The following AGAP1 variants were observed in gnomAD, a reference collection of about 807,000 sequenced individuals.
AGAP1 encodes the protein ArfGAP with GTPase domain, ankyrin repeat and PH domain 1.
In AGAP1, 29 loss-of-function variants were observed where a neutral mutation model predicts 105.3. That is an observed-to-expected ratio of 0.28 (90% CI 0.21 to 0.38). AGAP1 has a LOEUF of 0.38. AGAP1 is among the 10% of genes least tolerant of loss of function. The pLI is 1.00. For missense variants in AGAP1, 998 were observed against 1,165.1 expected, an observed-to-expected ratio of 0.86 and a Z score of 2.09; for synonymous variants, 509 against 485.9, an observed-to-expected ratio of 1.05 and a Z score of -0.63.
At chr2:235,946,805 C>A (rs2053521465) in intron 12 of AGAP1, among the ~76,000 whole-genome samples, 1 of 152,132 alleles carries the variant, frequency 6.6e-6, no homozygotes, top group Admixed American at 6.5e-5. Flanking sequence ...CGCCCCTCTG[C>A]CCAGCCAGGC....
chr2:235,664,276 A>T lies in AGAP1; in HGVS notation c.164-44903A>T, dbSNP rs1020308628. 2.0e-5 allele frequency among the ~76,000 whole-genome samples: 3 copies of T among 151,700 alleles called. No individual in the cohort carries two copies. The highest frequency in any genetic ancestry group is 2.1e-4 in the South Asian group (1 of 4,804). ...GCCCAGGCTAGAGTGCAGTGGCATG[A>T]TCTCAGCTCCCTGCAACCTCTGCCT... On this transcript the variant is annotated intron_variant, in intron 1 of 17. Coordinates refer to ENST00000304032, the MANE Select transcript of AGAP1 (RefSeq NM_001037131.3). The surrounding 1 kb of genome is among the most constrained non-coding windows in gnomAD (Gnocchi z 5.7).
chr2:235,686,665 AT>A lies in AGAP1; in HGVS notation c.164-22499del, dbSNP rs1200927776. Reference sequence around the variant, plus strand: ...TATATAGATATATATATATATATATATTTTTTTTTTTTTTTAGACAGAGTCT... The same window carrying A: ...TATATAGATATATATATATATATATATTTTTTTTTTTTTTAGACAGAGTCT... On this transcript the variant is annotated intron_variant, in intron 1 of 17. Transcript: ENST00000304032. 3.3e-3 allele frequency among the ~76,000 whole-genome samples: 255 copies of A among 77,466 alleles called. 4 individuals are homozygous for A. Among genetic ancestry groups the A allele is most frequent in the Middle Eastern group, 8.2e-3 (1 of 122 alleles). 50.8% of individuals were successfully genotyped at this position (77,466 alleles called of 152,430 possible). A position where few individuals can be genotyped will look rare whatever the true frequency, so the allele number is the denominator to read the frequency against.
chr2:235,546,007 G>C (rs1943610536), intron 1 of AGAP1, among the ~76,000 whole-genome samples: 1 of 152,242 alleles, frequency 6.6e-6, no homozygotes, highest in South Asian at 2.1e-4. Context: ...TCAAGATTCA[G>C]CAGCCCTTGC....
chr2:235,915,554 C>T (rs955940508), intron 11 of AGAP1, among the ~76,000 whole-genome samples: 1 of 152,014 alleles, frequency 6.6e-6, no homozygotes, highest in African/African-American at 2.4e-5. Flanking sequence ...GTGGCGAGTG[C>T]CTGTGGTCCC....
chr2:235,564,508 G>A (rs1353238965), intron 1 of AGAP1, among the ~76,000 whole-genome samples: 1 of 152,188 alleles, frequency 6.6e-6, no homozygotes, highest in Non-Finnish European at 1.5e-5. Flanking sequence ...TAAATTTAAG[G>A]TTCTTCCACT....
intron 10 of AGAP1, among the ~76,000 whole-genome samples, chr2:235,897,572 A>C (rs569982178): frequency 3.2e-4 from 48 of 152,284 alleles, no homozygotes; most frequent in South Asian, 2.1e-3. Context: ...GATATGTCAG[A>C]TCGTCTCTGG....
At chr2:235,911,487 T>C (rs2051613851) in intron 11 of AGAP1, among the ~76,000 whole-genome samples, 1 of 152,246 alleles carries the variant, frequency 6.6e-6, no homozygotes, top group Non-Finnish European at 1.5e-5. Flanking sequence ...AAGCGTTCAC[T>C]ATGTAAAAGT....
At position 235,729,966 on chromosome 2, in the gene AGAP1, A is replaced by G. The variant is rs1478676423; in HGVS notation, c.311-10997A>G. ...GCAGTTCGCCAGCCCCCTACCCTAC[A>G]GTATGGAAAAAAGGCATAGAACAGT... is the stretch of plus-strand genomic sequence containing the variant. On this transcript the variant is annotated intron_variant, in intron 3 of 17. Transcript: ENST00000304032. The surrounding 1 kb of genome is among the most constrained non-coding windows in gnomAD (Gnocchi z 5.0). Among the ~76,000 whole-genome samples the G allele has an allele frequency of 1.3e-5, 2 of 152,074 alleles. No homozygotes were observed. Among genetic ancestry groups the G allele is most frequent in the East Asian group, 1.9e-4 (1 of 5,190 alleles).
rs114102065 is a variant in AGAP1 at position 235,508,381 on chromosome 2, G to T, written c.163+13532G>T. Among the ~76,000 whole-genome samples, 1,084 of 152,314 alleles carry T rather than the reference G, an allele frequency of 7.1e-3. 13 individuals are homozygous for T. The highest frequency in any genetic ancestry group is 0.024 in the African/African-American group (998 of 41,560). ...ACTTCAGAAATCAGCCCATAAGTCT[G>T]CAGAAGTACTTGGGGAATTCTCTCC... On this transcript the variant is annotated intron_variant, in intron 1 of 17. Coordinates refer to ENST00000304032, the MANE Select transcript of AGAP1 (RefSeq NM_001037131.3).
chr2:235,918,875 G>A (rs1279501824), intron 11 of AGAP1, among the ~76,000 whole-genome samples: 3 of 152,114 alleles, frequency 2.0e-5, no homozygotes, highest in Non-Finnish European at 4.4e-5. Flanking sequence ...TGAACTCTAA[G>A]TGGAGTGTTC....
intron 10 of AGAP1, among the ~76,000 whole-genome samples, chr2:235,885,445 T>G (rs2050231695): frequency 6.6e-6 from 1 of 152,248 alleles, no homozygotes; most frequent in African/African-American, 2.4e-5. Flanking sequence ...CTCTGTCCCC[T>G]TGTCCAATTT....
In AGAP1 at chr2:235,625,726, GGTTT is replaced by G. The variant is rs1196034284; in HGVS notation, c.164-83446_164-83443del. Among the ~76,000 whole-genome samples, 3 of 152,128 alleles carry G rather than the reference GGTTT, an allele frequency of 2.0e-5. No homozygotes were observed. Among genetic ancestry groups the G allele is most frequent in the Non-Finnish European group, 2.9e-5 (2 of 68,026 alleles). On this transcript the variant is annotated intron_variant, in intron 1 of 17. Transcript: ENST00000304032. The surrounding 1 kb of genome is among the most constrained non-coding windows in gnomAD (Gnocchi z 4.0). The stretch of plus-strand genomic sequence containing the variant: ...AAAATAGTCGTCTGAAATATATTAT[GGTTT>G]GTTTGTAGCTTCAGCTAGTACTTTT...
chr2:235,744,382 G>A lies in AGAP1; in HGVS notation c.397-316G>A, dbSNP rs73996341. Among the ~76,000 whole-genome samples, 1,873 of 152,250 alleles carry A rather than the reference G, an allele frequency of 0.012. 43 individuals carry two copies. Among genetic ancestry groups the A allele is most frequent in the African/African-American group, 0.043 (1,795 of 41,530 alleles). On this transcript the variant is annotated intron_variant, in intron 4 of 17. Transcript: ENST00000304032. This position sits in a 1 kb window ranked among gnomAD's most constrained non-coding sequence, Gnocchi z 5.2. The stretch of plus-strand genomic sequence containing the variant: ...GTCTGCGGGGCCGCCTTGGCAGGTC[G>A]GGGCAGCGGGCGGACAGGCCAGGAG...
At chr2:235,558,694 T>A (rs1574844004) in intron 1 of AGAP1, among the ~76,000 whole-genome samples, 1 of 152,182 alleles carries the variant, frequency 6.6e-6, no homozygotes, top group South Asian at 2.1e-4. Context: ...CAAAGGACTC[T>A]GCCTCGAAAT....
At chr2:235,833,521 C>G (rs1408260395) in intron 9 of AGAP1, among the ~76,000 whole-genome samples, 2 of 151,486 alleles carry the variant, frequency 1.3e-5, no homozygotes, top group African/African-American at 4.9e-5. Context: ...TCATGCTCAC[C>G]TTGACTCTCC....
At chr2:235,519,012 G>A (rs1014640592) in intron 1 of AGAP1, among the ~76,000 whole-genome samples, 6 of 152,182 alleles carry the variant, frequency 3.9e-5, no homozygotes, top group South Asian at 2.1e-4. Flanking sequence ...TATCTGAAAC[G>A]AGTACTATTC....
At chr2:235,730,991 C>T (rs1456029279) in intron 3 of AGAP1, among the ~76,000 whole-genome samples, 1 of 152,140 alleles carries the variant, frequency 6.6e-6, no homozygotes, top group East Asian at 1.9e-4. Flanking sequence ...CCTAGCCCGG[C>T]TCTCCTTGTC....
intron 12 of AGAP1, among the ~76,000 whole-genome samples, chr2:235,950,195 G>A (rs1039694072): frequency 1.2e-4 from 18 of 152,136 alleles, no homozygotes; most frequent in African/African-American, 3.4e-4. Context: ...GACAAATTTG[G>A]AGTAAGAAAC....
In AGAP1 at chr2:236,043,745, G is replaced by GGGGC. The variant is rs5839620; in HGVS notation, c.1891+2905_1891+2906insGGCG. 3.8e-4 allele frequency among the ~76,000 whole-genome samples: 57 copies of GGGGC among 149,140 alleles called. 1 individual carries two copies. Among genetic ancestry groups the GGGGC allele is most frequent in the African/African-American group, 1.1e-3 (45 of 39,630 alleles). ...CAAGGGAAAAAAAAAAAGTGGGGGG[G>GGGGC]GTGCTTAATTGAGATAAAGAAACTT... On this transcript the variant is annotated intron_variant, in intron 15 of 17. Transcript: ENST00000304032.
Sources: allele counts gnomAD v4.1 joint callset (sites outside exome capture counted in the v4.1 genomes callset), GRCh38; gene constraint gnomAD v4.1.1; non-coding constraint Gnocchi (gnomAD v3.1); transcripts MANE v1.5; gene names NCBI Gene and HGNC (gene_info 2026-07-23, HGNC 2026-07-21).